KIRREL3: variants seen among roughly 807,000 people sequenced by gnomAD.
KIRREL3 encodes the protein kirre like nephrin family adhesion molecule 3.
In KIRREL3, 36 loss-of-function variants were observed where a neutral mutation model predicts 89.7. The ratio of observed to expected loss-of-function variants is 0.40; its 90% CI spans 0.31 to 0.53. KIRREL3 has a LOEUF of 0.53. KIRREL3 is among the 20% of genes least tolerant of loss of function. The probability of loss-of-function intolerance (pLI) is 0.49; values close to 1 mark genes in which losing one functional copy is unlikely to be tolerated. For missense variants in KIRREL3, 864 were observed against 1,056.6 expected (o/e 0.82, Z 2.53); for synonymous variants, 445 against 441.4 (o/e 1.01, Z -0.10).
In KIRREL3 at chr11:126,978,655, C is replaced by G. The variant is rs1949643599; in HGVS notation, c.55+21800G>C. On this transcript the variant is annotated intron_variant, in intron 1 of 16. Coordinates refer to ENST00000525144, the MANE Select transcript of KIRREL3 (RefSeq NM_032531.4). This position sits in a 1 kb window ranked among gnomAD's most constrained non-coding sequence, Gnocchi z 4.2. ...CCCAGGCTTTAGCACCTGCTACTCC[C>G]TCTTCTCCTCATCCCGCTCTCTGCC... Among the ~76,000 whole-genome samples the G allele has an allele frequency of 2.6e-5, 4 of 152,292 alleles. No homozygotes were observed. Among genetic ancestry groups the G allele is most frequent in the Admixed American group, 2.6e-4 (4 of 15,290 alleles).
chr11:126,951,925 C>T (rs1948783395), intron 1 of KIRREL3, among the ~76,000 whole-genome samples: 1 of 151,748 alleles, frequency 6.6e-6, no homozygotes, highest in Non-Finnish European at 1.5e-5. Context: ...AAGCAATTGA[C>T]CAAGGGAAAG....
rs7102824 is a variant in KIRREL3 at position 126,666,370 on chromosome 11, A to G, written c.56-103458T>C. 0.31 allele frequency among the ~76,000 whole-genome samples: 46,892 copies of G among 152,004 alleles called. 7,484 individuals are homozygous for G. Among genetic ancestry groups the G allele is most frequent in the East Asian group, 0.4 (2,040 of 5,160 alleles). ...CTTAAGCACCAGGGAAAGGGGAGAA[A>G]GAAAAAGTGGGGGTAATCCACCAAC... On this transcript the variant is annotated intron_variant, in intron 1 of 16. Coordinates refer to ENST00000525144, the MANE Select transcript of KIRREL3 (RefSeq NM_032531.4). This position sits in a 1 kb window ranked among gnomAD's most constrained non-coding sequence, Gnocchi z 4.2.
Position 126,983,499 on chromosome 11 carries a change from C to T in KIRREL3, c.55+16956G>A, listed in dbSNP as rs554812324. On this transcript the variant is annotated intron_variant, in intron 1 of 16. Transcript: ENST00000525144. The surrounding 1 kb of genome is among the most constrained non-coding windows in gnomAD (Gnocchi z 4.9). ...AGAGAGAGAGATTTTCCTAAATTAC[C>T]CTCTGTGGTCTGATATAATCACTTG... Among the ~76,000 whole-genome samples the T allele has an allele frequency of 6.6e-6, 1 of 152,080 alleles. No individual in the cohort carries two copies. Among genetic ancestry groups the T allele is most frequent in the East Asian group, 1.9e-4 (1 of 5,178 alleles).
At chr11:126,910,289 G>A (rs1946763299) in intron 1 of KIRREL3, among the ~76,000 whole-genome samples, 1 of 152,198 alleles carries the variant, frequency 6.6e-6, no homozygotes, top group African/African-American at 2.4e-5. Context: ...AAGGCTTTCA[G>A]ATGCAGGAAG....
chr11:126,460,530 C>T (rs757207152), intron 6 of KIRREL3, among the ~76,000 whole-genome samples: 7 of 152,200 alleles, frequency 4.6e-5, no homozygotes, highest in South Asian at 2.1e-4. Context: ...CCAGTACTGC[C>T]TTGGACGAGG....
intron 1 of KIRREL3, among the ~76,000 whole-genome samples, chr11:126,922,108 T>G (rs901238006): frequency 1.3e-4 from 16 of 126,484 alleles, no homozygotes; most frequent in African/African-American, 3.2e-4. Context: ...TCTATCGATC[T>G]ATCTATCTGT....
intron 4 of KIRREL3, among the ~76,000 whole-genome samples, chr11:126,517,143 AGAGAGAGAGAG>A (rs1958440020): frequency 1.3e-5 from 1 of 77,776 alleles, no homozygotes; most frequent in Non-Finnish European, 2.7e-5. Flanking sequence ...AGAAAGAGAG[AGAGAGAGAGAG>A]AGAGAGAGAG....
chr11:126,821,599 A>C (rs548734109), intron 1 of KIRREL3, among the ~76,000 whole-genome samples: 135 of 152,068 alleles, frequency 8.9e-4, no homozygotes, highest in African/African-American at 3.1e-3. Flanking sequence ...ACATCCATGA[A>C]TGTGTGAATG....
intron 1 of KIRREL3, among the ~76,000 whole-genome samples, chr11:126,823,919 C>G (rs1280623691): frequency 6.6e-6 from 1 of 152,134 alleles, no homozygotes; most frequent in Non-Finnish European, 1.5e-5. Context: ...GGGCAGGGAC[C>G]AGGTGAAGAG....
At chr11:126,649,678 C>T (rs1460303142) in intron 1 of KIRREL3, among the ~76,000 whole-genome samples, 1 of 152,172 alleles carries the variant, frequency 6.6e-6, no homozygotes, top group Non-Finnish European at 1.5e-5. Flanking sequence ...TTGCAGGGTA[C>T]AGCCTCCCTC....
chr11:126,971,548 A>G (rs974050857), intron 1 of KIRREL3, among the ~76,000 whole-genome samples: 5 of 152,140 alleles, frequency 3.3e-5, no homozygotes, highest in Admixed American at 6.5e-5. Flanking sequence ...ATATGATCAC[A>G]TTACATTAAC....
intron 1 of KIRREL3, among the ~76,000 whole-genome samples, chr11:126,775,609 T>C (rs903797687): frequency 8.5e-5 from 13 of 152,198 alleles, no homozygotes; most frequent in African/African-American, 3.1e-4. Context: ...TGCTGGGTCT[T>C]TAGGGCCTAT....
chr11:126,801,353 T>C (rs1951026577), intron 1 of KIRREL3, among the ~76,000 whole-genome samples: 1 of 152,208 alleles, frequency 6.6e-6, no homozygotes, highest in South Asian at 2.1e-4. Context: ...TCAAACACCA[T>C]GTGAGCTGCT....
At position 126,606,604 on chromosome 11, in the gene KIRREL3, A is replaced by G. The variant is rs1338674676; in HGVS notation, c.56-43692T>C. Among the ~76,000 whole-genome samples, 1 of 152,116 alleles carries G rather than the reference A, an allele frequency of 6.6e-6. No homozygotes were observed. The highest frequency in any genetic ancestry group is 1.5e-5 in the Non-Finnish European group (1 of 68,016). The stretch of plus-strand genomic sequence containing the variant: ...ATGACCTTACACACCCCAGGGGTTG[A>G]TACCAGGCCGAGACCCTCGACATTC... On this transcript the variant is annotated intron_variant, in intron 1 of 16. Transcript: ENST00000525144. The surrounding 1 kb of genome is among the most constrained non-coding windows in gnomAD (Gnocchi z 4.6).
In KIRREL3 at chr11:126,431,242, G is replaced by A. The variant is rs1691609901; in HGVS notation, c.1696+177C>T. On this transcript the variant is annotated intron_variant, in intron 14 of 16. Coordinates refer to ENST00000525144, the MANE Select transcript of KIRREL3 (RefSeq NM_032531.4). This position sits in a 1 kb window ranked among gnomAD's most constrained non-coding sequence, Gnocchi z 7.1. Reference sequence around the variant, plus strand: ...CAGCCTAGCGCCCACTCTGCCAGGCGCCATGTTGCCCAGGCTCACATACAC... The same window carrying A: ...CAGCCTAGCGCCCACTCTGCCAGGCACCATGTTGCCCAGGCTCACATACAC... The A allele has an allele frequency of 7.9e-6, 12 of 1,523,482 alleles. No individual in the cohort carries two copies. Among genetic ancestry groups the A allele is most frequent in the Admixed American group, 2.0e-5 (1 of 50,098 alleles). The allele number at this position is 1,523,482 out of a possible 1,614,324, so 94.4% of individuals were successfully genotyped here.
At position 126,424,866 on chromosome 11, in the gene KIRREL3, C is replaced by T; in HGVS notation, c.2051G>A (p.Gly684Asp). 1 of 1,613,882 alleles carries T rather than the reference C, an allele frequency of 6.2e-7. No homozygotes were observed. The stretch of plus-strand genomic sequence containing the variant: ...CCCGTAGTCGTAGAGGCGGCCCTGG[C>T]CGCTCAGGGTGCTGTAGATGTTGGT... Reference protein sequence around the residue: ...SFTNIYSTLSGQGRLYDYGQR... With the variant: ...SFTNIYSTLSDQGRLYDYGQR... Residue 684 changes from glycine (G) to aspartate (D), a missense_variant, in exon 17 of 17, where the codon GGC (glycine) becomes GAC (aspartate). Transcript: ENST00000525144.
Position 126,463,141 on chromosome 11 carries a change from G to C in KIRREL3, c.742+16C>G, listed in dbSNP as rs767917165. 1.1e-5 allele frequency: 17 copies of C among 1,609,948 alleles called. No homozygotes were observed. In the South Asian group the frequency reaches 1.7e-4, roughly 16 times the overall value. ...GGCCTGGCAGGGCTGGGTTGGGGGA[G>C]GGGGTGGGTACTCACGCTGGATGTC... is the stretch of plus-strand genomic sequence containing the variant. On this transcript the variant is annotated intron_variant, in intron 6 of 16. Transcript: ENST00000525144. The surrounding 1 kb of genome is among the most constrained non-coding windows in gnomAD (Gnocchi z 5.9).
chr11:126,686,321 C>T lies in KIRREL3; in HGVS notation c.56-123409G>A. On this transcript the variant is annotated intron_variant, in intron 1 of 16. Coordinates refer to ENST00000525144, the MANE Select transcript of KIRREL3 (RefSeq NM_032531.4). This position sits in a 1 kb window ranked among gnomAD's most constrained non-coding sequence, Gnocchi z 4.7. The stretch of plus-strand genomic sequence containing the variant: ...GGAGGTTAGCATTCTTTTGTTAGTC[C>T]ACTCACATATTTTCACTCATTACTA... Among the ~76,000 whole-genome samples, 1 of 152,144 alleles carries T rather than the reference C, an allele frequency of 6.6e-6. No individual in the cohort carries two copies. The highest frequency in any genetic ancestry group is 1.9e-4 in the East Asian group (1 of 5,186).
intron 1 of KIRREL3, among the ~76,000 whole-genome samples, chr11:126,878,010 G>T (rs1945355036): frequency 6.6e-6 from 1 of 152,164 alleles, no homozygotes; most frequent in African/African-American, 2.4e-5. Flanking sequence ...GGTCTTAGAA[G>T]TGGGATGAAA....
Sources: allele counts gnomAD v4.1 joint callset (sites outside exome capture counted in the v4.1 genomes callset), GRCh38; gene constraint gnomAD v4.1.1; non-coding constraint Gnocchi (gnomAD v3.1); transcripts MANE v1.5; gene names NCBI Gene and HGNC (gene_info 2026-07-23, HGNC 2026-07-21).